The following PKD1L1 variants were observed in gnomAD, a reference collection of about 807,000 sequenced individuals.
PKD1L1 encodes polycystin 1 like 1, transient receptor potential channel interacting, also known as polycystin-1-like protein 1.
PKD1L1 carries 236 observed loss-of-function variants against 323.4 expected under a neutral mutation model. The observed-to-expected ratio is 0.73, with a 90% CI of 0.66 to 0.81. The LOEUF is 0.81. Ranked by LOEUF, PKD1L1 falls within the 40% of genes least tolerant of loss-of-function variation. The probability of loss-of-function intolerance (pLI) is 0.00; values close to 1 mark genes in which losing one functional copy is unlikely to be tolerated. For missense variants in PKD1L1, 3,320 were observed against 3,508.0 expected (o/e 0.95, Z 1.35); for synonymous variants, 1,344 against 1,335.0 (o/e 1.01, Z -0.15).
the PKD1L1 span, among the ~76,000 whole-genome samples, chr7:47,954,439 G>A: frequency 6.6e-6 from 1 of 152,148 alleles, no homozygotes; most frequent in African/African-American, 2.4e-5. Flanking sequence ...GCTGTTACCA[G>A]GAGAATGAGT....
At chr7:47,934,525 T>C (rs1410781828) in intron 4 of PKD1L1, among the ~76,000 whole-genome samples, 1 of 152,234 alleles carries the variant, frequency 6.6e-6, no homozygotes, top group African/African-American at 2.4e-5. Context: ...CCTAGTCACT[T>C]GCTTCCTATT....
At chr7:47,880,265 C>T (rs200960789) in intron 21 of PKD1L1, among the ~76,000 whole-genome samples, 1,662 of 74,872 alleles carry the variant, frequency 0.022, 17 homozygotes, top group African/African-American at 0.038. Flanking sequence ...TATATATATA[C>T]ATATATATAT....
rs758642899 is a variant in PKD1L1, at chr7:47,792,618, T to A, written c.8526+9A>T. On this transcript the variant is annotated intron_variant, in intron 56 of 56. Coordinates refer to ENST00000289672, the MANE Select transcript of PKD1L1 (RefSeq NM_138295.5). Reference sequence around the variant, plus strand: ...GAAAATTGACATAAATAATTTTGCATGGTCTTACCTCAGCAGCTTGGTAAC... The same window carrying A: ...GAAAATTGACATAAATAATTTTGCAAGGTCTTACCTCAGCAGCTTGGTAAC... 1.7e-5 allele frequency: 26 copies of A among 1,575,024 alleles called. No individual in the cohort carries two copies. Among genetic ancestry groups the A allele is most frequent in the Non-Finnish European group, 2.2e-5 (25 of 1,159,256 alleles).
At chr7:47,783,627 A>G (rs903457515) in intron 56 of PKD1L1, among the ~76,000 whole-genome samples, 55 of 152,124 alleles carry the variant, frequency 3.6e-4, no homozygotes, top group African/African-American at 1.3e-3. Context: ...AAATTTGGAC[A>G]CCCAGGGAGA....
At chr7:47,930,466 C>T (rs1420171787) in intron 6 of PKD1L1, among the ~76,000 whole-genome samples, 2 of 151,836 alleles carry the variant, frequency 1.3e-5, no homozygotes, top group African/African-American at 4.8e-5. Context: ...GATCGCGCCA[C>T]TGCACTCCAG....
At chr7:47,932,931 G>A (rs1481780164) in intron 4 of PKD1L1, among the ~76,000 whole-genome samples, 1 of 152,242 alleles carries the variant, frequency 6.6e-6, no homozygotes, top group Non-Finnish European at 1.5e-5. Flanking sequence ...CCCAGGGTCA[G>A]AGGCTCTGGA....
intron 52 of PKD1L1, 64 bp downstream of exon 52, chr7:47,808,183 C>A: frequency 6.3e-7 from 1 of 1,575,336 alleles, no homozygotes; most frequent in East Asian, 2.2e-5. Context: ...TGTGTGACCT[C>A]TGCCTTTTGG....
Position 47,845,050 on chromosome 7 carries a change from G to T in PKD1L1, c.5182C>A (p.Leu1728Ile). The stretch of plus-strand genomic sequence containing the variant: ...AAACTGGCCTTCAGCTTTCTCCTTA[G>T]GAGAGCGAATGCCGCGAGGCGATGG... ...SYHRLAAFAL[L>I]RRKLKASFEV... The change falls in exon 33 of 57, where the codon CTA (leucine) becomes ATA (isoleucine). Residue 1728 changes from leucine (L) to isoleucine (I), a missense_variant. By Grantham distance (5) the Leu-to-Ile change is conservative. Coordinates refer to ENST00000289672, the MANE Select transcript of PKD1L1 (RefSeq NM_138295.5). The T allele has an allele frequency of 6.2e-7, 1 of 1,614,012 alleles. No homozygotes were observed. Among genetic ancestry groups the T allele is most frequent in the African/African-American group, 1.3e-5 (1 of 75,064 alleles).
chr7:47,867,185 G>C (rs752596519), intron 24 of PKD1L1, among the ~76,000 whole-genome samples: 5 of 152,038 alleles, frequency 3.3e-5, no homozygotes, highest in Non-Finnish European at 7.3e-5. Flanking sequence ...CACCGCAGTG[G>C]GTCATTGCAA....
At chr7:47,849,101 G>T (rs1785726272) in intron 31 of PKD1L1, among the ~76,000 whole-genome samples, 1 of 152,144 alleles carries the variant, frequency 6.6e-6, no homozygotes, top group Non-Finnish European at 1.5e-5. Context: ...GTGAGGAAAG[G>T]ACACCCTATT....
intron 55 of PKD1L1, among the ~76,000 whole-genome samples, chr7:47,793,304 A>T (rs930327383): frequency 2.0e-5 from 3 of 152,174 alleles, no homozygotes; most frequent in Non-Finnish European, 2.9e-5. Flanking sequence ...TTGTGTCCCC[A>T]TTCAAATCTC....
chr7:47,915,748 C>T (rs192037533), intron 7 of PKD1L1, 149 bp from the exon 8 acceptor site: 252 of 523,978 alleles, frequency 4.8e-4, no homozygotes, highest in East Asian at 3.8e-3. Context: ...AGAAATACAA[C>T]GAAATAAAAA....
At chr7:47,940,496 C>G (rs548817484) in intron 2 of PKD1L1, among the ~76,000 whole-genome samples, 179 bp from the exon 3 acceptor site, 8 of 152,322 alleles carry the variant, frequency 5.3e-5, no homozygotes, top group African/African-American at 1.9e-4. Context: ...TGTTTTCTTT[C>G]TATTTCCTTG....
intron 31 of PKD1L1, among the ~76,000 whole-genome samples, chr7:47,851,191 G>A (rs2123610): frequency 0.19 from 28,208 of 152,050 alleles, 3,662 homozygotes; most frequent in African/African-American, 0.36. Flanking sequence ...CCATCAATGA[G>A]CCAAGCCTCA....
At chr7:47,824,709 A>G (rs1157432765) in intron 45 of PKD1L1, among the ~76,000 whole-genome samples, 2 of 152,176 alleles carry the variant, frequency 1.3e-5, no homozygotes, top group East Asian at 3.9e-4. Flanking sequence ...CAGTGGGCAG[A>G]ACAGCATACC....
intron 7 of PKD1L1, among the ~76,000 whole-genome samples, chr7:47,921,362 A>G (rs2128753648): frequency 6.6e-6 from 1 of 152,296 alleles, no homozygotes; most frequent in South Asian, 2.1e-4. Flanking sequence ...TCCTGCAACA[A>G]TGGCTATAAT....
At chr7:47,867,789 C>T (rs988824779) in intron 24 of PKD1L1, among the ~76,000 whole-genome samples, 4 of 151,476 alleles carry the variant, frequency 2.6e-5, no homozygotes, top group South Asian at 2.1e-4. Flanking sequence ...ACAGAGAGAA[C>T]CAAATGGAAA....
chr7:47,929,662 C>T, intron 6 of PKD1L1, 136 bp from the exon 7 acceptor site: 3 of 774,932 alleles, frequency 3.9e-6, no homozygotes, highest in South Asian at 1.9e-5. Flanking sequence ...GCTTCACTTC[C>T]ACTGGTTCTC....
intron 52 of PKD1L1, among the ~76,000 whole-genome samples, chr7:47,807,178 A>C (rs2128728042): frequency 6.6e-6 from 1 of 152,108 alleles, no homozygotes; most frequent in African/African-American, 2.4e-5. Flanking sequence ...CTTTCACTTC[A>C]GGAGAAAAGC....
Sources: allele counts gnomAD v4.1 joint callset (sites outside exome capture counted in the v4.1 genomes callset), GRCh38; gene constraint gnomAD v4.1.1; transcripts MANE v1.5; gene names NCBI Gene and HGNC (gene_info 2026-07-23, HGNC 2026-07-21).